Variants in NCOR2 observed in about 807,000 individuals in gnomAD.
NCOR2 encodes the protein nuclear receptor corepressor 2, also known as CTG repeat protein 26.
In NCOR2, 81 loss-of-function variants were observed where a neutral mutation model predicts 262.9. That is an observed-to-expected ratio of 0.31 (90% CI 0.26 to 0.37). The LOEUF is 0.37. Ranked by LOEUF, NCOR2 falls within the 10% of genes least tolerant of loss-of-function variation. NCOR2 has a pLI of 1.00. For missense variants in NCOR2, 3,385 were observed against 3,621.4 expected (o/e 0.93, Z 1.68); for synonymous variants, 1,659 against 1,559.3 (o/e 1.06, Z -1.51).
At chr12:124,330,875 T>G in exon 44 of NCOR2, 1 of 1,583,424 alleles carries the variant, frequency 6.3e-7, no homozygotes, top group African/African-American at 1.3e-5. Flanking sequence ...ATATTGAAGA[T>G]CTCCGTCCCA....
intron 16 of NCOR2, among the ~76,000 whole-genome samples, chr12:124,394,276 A>G (rs901955984): frequency 2.0e-5 from 3 of 152,206 alleles, no homozygotes; most frequent in African/African-American, 7.2e-5. Flanking sequence ...TGAGAGAACG[A>G]TGGTAACTGA....
At chr12:124,367,629 TATTTA>T (rs1168454272) in intron 20 of NCOR2, among the ~76,000 whole-genome samples, 1 of 152,102 alleles carries the variant, frequency 6.6e-6, no homozygotes, top group Non-Finnish European at 1.5e-5. Context: ...TGTTTTATTT[TATTTA>T]TTTATTTATT....
intron 1 of NCOR2, among the ~76,000 whole-genome samples, chr12:124,492,783 T>A (rs759682322): frequency 8.6e-5 from 13 of 152,046 alleles, no homozygotes; most frequent in Non-Finnish European, 1.9e-4. Context: ...CCAGCTCACC[T>A]CCAACCCACA....
Position 124,432,928 on chromosome 12 carries a change from C to A in NCOR2, c.883-2141G>T, listed in dbSNP as rs188574317. Among the ~76,000 whole-genome samples, 1,142 of 152,292 alleles carry A rather than the reference C, an allele frequency of 7.5e-3. 12 individuals carry two copies. The highest frequency in any genetic ancestry group is 0.027 in the African/African-American group (1,103 of 41,560). On this transcript the variant is annotated intron_variant, in intron 8 of 46. Coordinates refer to ENST00000405201, the Ensembl canonical transcript of NCOR2. This position sits in a 1 kb window ranked among gnomAD's most constrained non-coding sequence, Gnocchi z 5.1. The stretch of plus-strand genomic sequence containing the variant: ...CACCCACACAACCCCAGTTACTCCA[C>A]CTCTAACAGCTGGGGGTGGACAGAC...
chr12:124,385,481 C>T (rs1323460266), intron 17 of NCOR2, among the ~76,000 whole-genome samples: 1 of 152,184 alleles, frequency 6.6e-6, no homozygotes, highest in Non-Finnish European at 1.5e-5. Flanking sequence ...AGGTGTCTGT[C>T]TGAGAGGAGT....
intron 11 of NCOR2, 31 bp from the exon 14 acceptor site, chr12:124,422,586 T>C: frequency 6.2e-7 from 1 of 1,613,024 alleles, no homozygotes; most frequent in East Asian, 2.2e-5. Flanking sequence ...GCGTGAGACC[T>C]GGCCGAGGGG....
rs376191445 is a variant in NCOR2, at chr12:124,350,542, A to C, written c.3844+45T>G. The C allele has an allele frequency of 5.0e-5, 79 of 1,587,492 alleles. No homozygotes were observed. In the African/African-American group the frequency reaches 9.9e-4, roughly 20 times the overall value. On this transcript the variant is annotated intron_variant, in intron 28 of 46. Coordinates refer to ENST00000405201, the Ensembl canonical transcript of NCOR2. ...GTGAAGCTACCTCAGTGGGCCAAGC[A>C]CACTCCTCCCCTGGTCCTGGGCCTC...
chr12:124,550,601 G>C (rs1295758108), intron 1 of NCOR2, among the ~76,000 whole-genome samples: 1 of 152,222 alleles, frequency 6.6e-6, no homozygotes, highest in Non-Finnish European at 1.5e-5. Context: ...GAACGTGGTT[G>C]TATTTTTTAT....
At chr12:124,410,004 G>GA (rs2042480609) in intron 13 of NCOR2, among the ~76,000 whole-genome samples, 1 of 151,534 alleles carries the variant, frequency 6.6e-6, no homozygotes, top group African/African-American at 2.4e-5. Context: ...GTCCACGAGG[G>GA]AATCACCTAG....
intron 13 of NCOR2, 69 bp from the exon 16 acceptor site, chr12:124,402,630 C>A: frequency 6.5e-7 from 1 of 1,538,386 alleles, no homozygotes; most frequent in Non-Finnish European, 8.7e-7. Context: ...TGAATCTCTG[C>A]ACCTGGGCTC....
intron 4 of NCOR2, among the ~76,000 whole-genome samples, chr12:124,472,492 T>TC (rs1484222297): frequency 6.6e-6 from 1 of 152,126 alleles, no homozygotes; most frequent in Non-Finnish European, 1.5e-5. Flanking sequence ...AGGGGCTGTT[T>TC]CCCCACATTA....
At position 124,389,098 on chromosome 12, in the gene NCOR2, G is replaced by A. The variant is rs2041071537; in HGVS notation, c.1877-3211C>T. On this transcript the variant is annotated intron_variant, in intron 16 of 46. Transcript: ENST00000405201. The surrounding 1 kb of genome is among the most constrained non-coding windows in gnomAD (Gnocchi z 4.4). The stretch of plus-strand genomic sequence containing the variant: ...GGTGGCGGGAAGTTGTCAGTGGTGC[G>A]TGTGGGATGCCCCTGGGCCAGGTAT... Among the ~76,000 whole-genome samples the A allele has an allele frequency of 6.6e-6, 1 of 152,258 alleles. No individual in the cohort carries two copies. Among genetic ancestry groups the A allele is most frequent in the Non-Finnish European group, 1.5e-5 (1 of 68,042 alleles).
At chr12:124,478,396 C>T (rs2047221930) in intron 3 of NCOR2, among the ~76,000 whole-genome samples, 1 of 152,168 alleles carries the variant, frequency 6.6e-6, no homozygotes, top group African/African-American at 2.4e-5. Context: ...AAACAAAGTT[C>T]GGTGAATTCC....
intron 16 of NCOR2, among the ~76,000 whole-genome samples, chr12:124,393,831 T>C (rs1017313013): frequency 6.6e-6 from 1 of 152,234 alleles, no homozygotes; most frequent in African/African-American, 2.4e-5. Flanking sequence ...AGTGACTTCA[T>C]ACACACAAAG....
Position 124,483,265 on chromosome 12 carries a change from C to T in NCOR2, c.411+331G>A, listed in dbSNP as rs1028360025. Among the ~76,000 whole-genome samples, 2 of 152,144 alleles carry T rather than the reference C, an allele frequency of 1.3e-5. No individual in the cohort carries two copies. Among genetic ancestry groups the T allele is most frequent in the African/African-American group, 2.4e-5 (1 of 41,426 alleles). On this transcript the variant is annotated intron_variant, in intron 3 of 46. Coordinates refer to ENST00000405201, the Ensembl canonical transcript of NCOR2. This position sits in a 1 kb window ranked among gnomAD's most constrained non-coding sequence, Gnocchi z 6.3. The stretch of plus-strand genomic sequence containing the variant: ...CATCGAATGGCAGCTCTCTGCTCCA[C>T]GGCACCCCAGGCCCTCCCATCCCAG...
At chr12:124,352,053 TC>T (rs2037528079) in intron 27 of NCOR2, among the ~76,000 whole-genome samples, 1 of 151,984 alleles carries the variant, frequency 6.6e-6, no homozygotes, top group African/African-American at 2.4e-5. Flanking sequence ...CCCCCAAACT[TC>T]CCAAAGCAAA....
chr12:124,393,993 T>C (rs1162521599), intron 16 of NCOR2, among the ~76,000 whole-genome samples: 2 of 152,242 alleles, frequency 1.3e-5, no homozygotes, highest in East Asian at 3.9e-4. Context: ...GTTGTCACTG[T>C]ACATTTGCTT....
intron 1 of NCOR2, among the ~76,000 whole-genome samples, chr12:124,515,372 CA>C (rs1566016136): frequency 1.8e-5 from 1 of 56,760 alleles, no homozygotes; most frequent in Non-Finnish European, 4.0e-5. Flanking sequence ...GACTCGGTTT[CA>C]AAAAAGGAAA....
upstream of NCOR2, among the ~76,000 whole-genome samples, chr12:124,535,852 G>A (rs150128356): frequency 4.6e-4 from 70 of 151,932 alleles, no homozygotes; most frequent in African/African-American, 1.6e-3. Context: ...GGGAAGTGAC[G>A]GAGCTGTGAT....
Sources: allele counts gnomAD v4.1 joint callset (sites outside exome capture counted in the v4.1 genomes callset), GRCh38; gene constraint gnomAD v4.1.1; non-coding constraint Gnocchi (gnomAD v3.1); transcripts MANE v1.5; gene names NCBI Gene and HGNC (gene_info 2026-07-23, HGNC 2026-07-21).